EVC2: variants seen among roughly 807,000 people sequenced by gnomAD.
EVC2 encodes the protein EvC ciliary complex subunit 2.
A neutral mutation model predicts 149.3 loss-of-function variants in EVC2; 148 were observed. The observed-to-expected ratio is 0.99, with a 90% confidence interval of 0.87 to 1.14. The LOEUF (loss-of-function observed/expected upper bound fraction) is 1.14, where lower values mean the gene tolerates loss of function less well. EVC2 is among the 50% of genes most tolerant of loss of function. The probability of loss-of-function intolerance (pLI) is 0.00; values close to 1 mark genes in which losing one functional copy is unlikely to be tolerated. For missense variants in EVC2, 1,854 were observed against 1,627.3 expected, an observed-to-expected ratio of 1.14 and a Z score of -2.40; for synonymous variants, 776 against 649.9, an observed-to-expected ratio of 1.19 and a Z score of -2.95.
intron 7 of EVC2, among the ~76,000 whole-genome samples, chr4:5,680,644 T>C (rs1720278519): frequency 6.6e-6 from 1 of 152,214 alleles, no homozygotes; most frequent in Admixed American, 6.5e-5. Flanking sequence ...GTGCCTCGGT[T>C]TCCCCATCTG....
intron 16 of EVC2, among the ~76,000 whole-genome samples, chr4:5,607,081 C>G (rs1016956328): frequency 6.6e-6 from 1 of 152,114 alleles, no homozygotes; most frequent in African/African-American, 2.4e-5. Context: ...TACAGCCAAA[C>G]CTATATTGTG....
chr4:5,697,562 C>T (rs1721560952), intron 2 of EVC2, 31 bp downstream of exon 2: 4 of 1,612,876 alleles, frequency 2.5e-6, no homozygotes, highest in Middle Eastern at 3.3e-4. Context: ...ATGCTCAAAA[C>T]AGGGGAACAT....
rs140176958 is a variant in EVC2, at chr4:5,632,451, A to G, written c.1471-419T>C. Among the ~76,000 whole-genome samples the G allele has an allele frequency of 2.8e-3, 427 of 152,308 alleles. 4 individuals are homozygous for G. The highest frequency in any genetic ancestry group is 9.8e-3 in the African/African-American group (406 of 41,576). On this transcript the variant is annotated intron_variant, in intron 10 of 21. Coordinates refer to ENST00000344408, the MANE Select transcript of EVC2 (RefSeq NM_147127.5). ...TCCAACCTGTCCTCCCCTGTTATCT[A>G]AATGTTTTCTAGAATAATCTCAAAG...
At chr4:5,632,233 T>C (rs1296978744) in intron 10 of EVC2, among the ~76,000 whole-genome samples, 12 of 152,126 alleles carry the variant, frequency 7.9e-5, no homozygotes, top group Admixed American at 7.9e-4. Context: ...ACATACACAA[T>C]GTGTAAGGCA....
chr4:5,580,648 C>G (rs545877911), intron 17 of EVC2, among the ~76,000 whole-genome samples: 1 of 152,294 alleles, frequency 6.6e-6, no homozygotes, highest in Non-Finnish European at 1.5e-5. Context: ...TCTGCAGGCT[C>G]TATTAGGGCA....
At chr4:5,684,185 C>T (rs936646584) in intron 6 of EVC2, among the ~76,000 whole-genome samples, 5 of 152,218 alleles carry the variant, frequency 3.3e-5, no homozygotes, top group Middle Eastern at 6.8e-3. Context: ...TATTTTTGTA[C>T]CCTTATACTG....
the EVC2 span, among the ~76,000 whole-genome samples, chr4:5,534,224 A>G: frequency 1.3e-5 from 2 of 152,208 alleles, no homozygotes; most frequent in African/African-American, 4.8e-5. Context: ...TTGCTGTATG[A>G]AGCTGTGAGA....
intron 6 of EVC2, among the ~76,000 whole-genome samples, chr4:5,685,132 A>C (rs1720606843): frequency 6.6e-6 from 1 of 152,214 alleles, no homozygotes; most frequent in East Asian, 1.9e-4. Context: ...TATCCTTATG[A>C]TAACCTCATG....
At chr4:5,539,670 C>A (rs529251109), downstream of EVC2, among the ~76,000 whole-genome samples, 161 of 152,224 alleles carry the variant, frequency 1.1e-3, no homozygotes, top group African/African-American at 3.9e-3. Context: ...AGGCGGAATT[C>A]AATTCCATGG....
At chr4:5,707,698 TG>T (rs1284122012) in intron 1 of EVC2, among the ~76,000 whole-genome samples, 2 of 152,018 alleles carry the variant, frequency 1.3e-5, no homozygotes, top group Non-Finnish European at 2.9e-5. Flanking sequence ...CTAGGACTGG[TG>T]ACCAGCTTTG....
At chr4:5,626,461 G>T (rs1341833289) in intron 12 of EVC2, among the ~76,000 whole-genome samples, 1 of 151,786 alleles carries the variant, frequency 6.6e-6, no homozygotes, top group African/African-American at 2.4e-5. Context: ...AGCCTCCGGA[G>T]TAGTTGGGAT....
chr4:5,620,118 T>C (rs1187619986), intron 14 of EVC2, among the ~76,000 whole-genome samples: 1 of 152,182 alleles, frequency 6.6e-6, no homozygotes, highest in Non-Finnish European at 1.5e-5. Context: ...CCCCAGGTCA[T>C]GTGACACCCG....
rs1415723101 is a variant in EVC2, at chr4:5,565,353, G to C, written c.3564C>G (p.His1188Gln). The change falls in exon 21 of 22, where the codon CAC becomes CAG. Residue 1188 changes from histidine to glutamine, a missense_variant. His to Gln is a conservative substitution (Grantham distance 24). Coordinates refer to ENST00000344408, the MANE Select transcript of EVC2 (RefSeq NM_147127.5). ...CATCTAAGGCTTGCCACCAGCTCTG[G>C]TGTTTCCTGCAGGCAAGAAGGGAGT... is the stretch of plus-strand genomic sequence containing the variant. The part of the protein sequence containing the change: ...EQADVGRRRK[H>Q]QSWWQALDGK... The C allele has an allele frequency of 3.7e-6, 6 of 1,614,000 alleles. No individual in the cohort carries two copies. Among genetic ancestry groups the C allele is most frequent in the Non-Finnish European group, 5.1e-6 (6 of 1,179,964 alleles).
chr4:5,543,043 T>G, intron 22 of EVC2: 1 of 878,460 alleles, frequency 1.1e-6, no homozygotes, highest in Non-Finnish European at 1.6e-6. Context: ...TTTTCTGACT[T>G]ACTATTACGC....
intron 16 of EVC2, among the ~76,000 whole-genome samples, chr4:5,602,872 C>T (rs1383267255): frequency 6.6e-6 from 1 of 152,072 alleles, no homozygotes; most frequent in Non-Finnish European, 1.5e-5. Context: ...GCAAAGCAAG[C>T]ATGCTATTTA....
the EVC2 span, among the ~76,000 whole-genome samples, chr4:5,536,674 C>T: frequency 1.3e-5 from 2 of 151,970 alleles, no homozygotes. Flanking sequence ...GTCCCAGCTA[C>T]TCGGGATGCT....
chr4:5,584,924 T>G, intron 16 of EVC2, 74 bp from the exon 17 acceptor site: 1 of 1,516,424 alleles, frequency 6.6e-7, no homozygotes, highest in Non-Finnish European at 9.1e-7. Flanking sequence ...CAAACAGCCT[T>G]TCAGAGTTCA....
At chr4:5,680,203 G>A (rs902959395) in intron 7 of EVC2, among the ~76,000 whole-genome samples, 1 of 152,168 alleles carries the variant, frequency 6.6e-6, no homozygotes, top group Admixed American at 6.5e-5. Flanking sequence ...GATTTGATCA[G>A]TGGAAGGGAT....
downstream of EVC2, among the ~76,000 whole-genome samples, chr4:5,558,692 AG>A (rs1367458734): frequency 1.8e-4 from 28 of 152,234 alleles, no homozygotes; most frequent in Non-Finnish European, 3.7e-4. Flanking sequence ...TGGAAGAAAA[AG>A]ATGCTGACCT....
Sources: allele counts gnomAD v4.1 joint callset (sites outside exome capture counted in the v4.1 genomes callset), GRCh38; gene constraint gnomAD v4.1.1; transcripts MANE v1.5; gene names NCBI Gene and HGNC (gene_info 2026-07-23, HGNC 2026-07-21).